The following ZDHHC15 variants were observed in gnomAD, a reference collection of about 807,000 sequenced individuals.
ZDHHC15 encodes the protein palmitoyltransferase ZDHHC15.
ZDHHC15 carries 19 observed loss-of-function variants against 31.7 expected under a neutral mutation model. The observed-to-expected ratio is 0.60, with a 90% CI of 0.42 to 0.88. The LOEUF is 0.88. Ranked by LOEUF, ZDHHC15 falls within the 40% of genes least tolerant of loss-of-function variation. ZDHHC15 has a pLI of 0.00. For missense variants in ZDHHC15, 209 were observed against 251.2 expected, an observed-to-expected ratio of 0.83 and a Z score of 1.14; for synonymous variants, 103 against 90.0, an observed-to-expected ratio of 1.14 and a Z score of -0.82.
At chrX:75,501,949 C>G (rs774000614) in intron 2 of ZDHHC15, 2 of 111,893 alleles carry the variant, frequency 1.8e-5, no homozygotes, top group African/African-American at 6.5e-5. Flanking sequence ...TGTGCAGAAG[C>G]TCTTCAGTTT....
intron 1 of ZDHHC15, among the ~76,000 whole-genome samples, chrX:75,510,172 A>G: frequency 8.9e-6 from 1 of 111,892 alleles, no homozygotes; most frequent in East Asian, 2.8e-4. Flanking sequence ...CGTAATACTT[A>G]CTTAGGAAGC....
At chrX:75,411,492 G>A (rs1011897365) in intron 10 of ZDHHC15, among the ~76,000 whole-genome samples, 2 of 112,606 alleles carry the variant, frequency 1.8e-5, no homozygotes, top group Admixed American at 1.9e-4. Context: ...GATTACAGGC[G>A]CGAGCCACCG....
At chrX:75,478,065 T>G (rs1351734058) in intron 3 of ZDHHC15, among the ~76,000 whole-genome samples, 4 of 111,717 alleles carry the variant, frequency 3.6e-5, no homozygotes, top group African/African-American at 1.3e-4. Flanking sequence ...TTTTACTACT[T>G]TGGAACCTAC....
At chrX:75,482,139 G>A (rs763854824) in intron 2 of ZDHHC15, among the ~76,000 whole-genome samples, 3 of 110,525 alleles carry the variant, frequency 2.7e-5, no homozygotes, top group Non-Finnish European at 5.7e-5. Context: ...TGGGGGGTGG[G>A]GAACAAGGGT....
At chrX:75,515,597 G>A (rs1272323249) in intron 1 of ZDHHC15, among the ~76,000 whole-genome samples, 2 of 111,436 alleles carry the variant, frequency 1.8e-5, no homozygotes, top group African/African-American at 6.5e-5. Flanking sequence ...AATAGTAAGA[G>A]CTATTTATGA....
intron 3 of ZDHHC15, among the ~76,000 whole-genome samples, chrX:75,475,038 G>A (rs1450375957): frequency 3.6e-5 from 4 of 111,195 alleles, no homozygotes; most frequent in Admixed American, 2.9e-4. Context: ...CTGCCTGGGC[G>A]ACAGAGCGAG....
chrX:75,481,648 G>T (rs1392469235), intron 2 of ZDHHC15, among the ~76,000 whole-genome samples: 2 of 111,957 alleles, frequency 1.8e-5, no homozygotes, highest in African/African-American at 3.3e-5. Flanking sequence ...GAGATCATTT[G>T]GTTCAACACT....
rs778681230 is a variant in ZDHHC15, at chrX:75,436,840, CTGTTT to C, written c.380-5325_380-5321del. Among the ~76,000 whole-genome samples the C allele has an allele frequency of 3.2e-4, 36 of 112,537 alleles. No homozygotes were observed. The South Asian group carries it at 0.012, about 39-fold the overall frequency. ...GTTGGGTAGAATGTTCTGTAAATAT[CTGTTT>C]TGTTTTGTTTGTTTTATTTTTTGTT... On this transcript the variant is annotated intron_variant, in intron 4 of 11. Transcript: ENST00000373367.
Position 75,492,053 on chromosome X carries a change from T to C in ZDHHC15, c.164-13068A>G, listed in dbSNP as rs186125498. ...TGCTGTATTCAGGAAACCCATGTCATGTGCAGAGACACATATAGGCTCAAA... is the reference window on the plus strand; with the variant it reads ...TGCTGTATTCAGGAAACCCATGTCACGTGCAGAGACACATATAGGCTCAAA... On this transcript the variant is annotated intron_variant, in intron 2 of 11. Transcript: ENST00000373367. Among the ~76,000 whole-genome samples the C allele has an allele frequency of 7.7e-3, 855 of 111,177 alleles. 5 individuals are homozygous for C. Among genetic ancestry groups the C allele is most frequent in the Middle Eastern group, 0.019 (4 of 216 alleles).
chrX:75,503,277 A>G (rs771087027), intron 2 of ZDHHC15, among the ~76,000 whole-genome samples: 14 of 110,956 alleles, frequency 1.3e-4, no homozygotes, highest in Admixed American at 6.8e-4. Flanking sequence ...CTAGGTCAAT[A>G]TATTTTACTT....
At chrX:75,424,167 AT>A (rs375608452) in intron 8 of ZDHHC15, among the ~76,000 whole-genome samples, 83 of 104,507 alleles carry the variant, frequency 7.9e-4, no homozygotes, top group Middle Eastern at 4.9e-3. Flanking sequence ...ATATTTACTG[AT>A]TTTTTTTTTT....
At chrX:75,507,943 C>T (rs972484997) in intron 1 of ZDHHC15, among the ~76,000 whole-genome samples, 1 of 110,457 alleles carries the variant, frequency 9.1e-6, no homozygotes, top group Non-Finnish European at 1.9e-5. Flanking sequence ...TAGAAAAAGC[C>T]TAATTTGGGG....
At chrX:75,382,422 A>G (rs2083123686) in intron 10 of ZDHHC15, among the ~76,000 whole-genome samples, 1 of 111,919 alleles carries the variant, frequency 8.9e-6, no homozygotes, top group Non-Finnish European at 1.9e-5. Flanking sequence ...ATGGGGGAAA[A>G]GTTACTTGGA....
In ZDHHC15 at chrX:75,507,665, G is replaced by A. The variant is rs752386413; in HGVS notation, c.137-1818C>T. Among the ~76,000 whole-genome samples, 4 of 111,640 alleles carry A rather than the reference G, an allele frequency of 3.6e-5. No individual in the cohort carries two copies. The East Asian group carries it at 8.5e-4, about 24-fold the overall frequency. On this transcript the variant is annotated intron_variant, in intron 1 of 11. Transcript: ENST00000373367. Reference sequence around the variant, plus strand: ...ATTTTAGAGTGATGTGGTGATACATGTAATTATACACCTTCTCTGTTTCTT... The same window carrying A: ...ATTTTAGAGTGATGTGGTGATACATATAATTATACACCTTCTCTGTTTCTT...
intron 3 of ZDHHC15, among the ~76,000 whole-genome samples, chrX:75,462,073 G>A (rs1041297062): frequency 1.8e-5 from 2 of 111,704 alleles, no homozygotes; most frequent in African/African-American, 6.5e-5. Flanking sequence ...CAAAATAAAG[G>A]GATGGAGGAA....
chrX:75,513,084 A>G (rs1310452301), intron 1 of ZDHHC15, among the ~76,000 whole-genome samples: 1 of 108,194 alleles, frequency 9.2e-6, no homozygotes, highest in African/African-American at 3.4e-5. Flanking sequence ...CTGGCTAGCC[A>G]TATGTAGAAA....
chrX:75,459,527 G>A lies in ZDHHC15; in HGVS notation c.259-8605C>T, dbSNP rs752027783. 9.6e-4 allele frequency among the ~76,000 whole-genome samples: 107 copies of A among 111,550 alleles called. No individual in the cohort carries two copies. In the Middle Eastern group the frequency reaches 0.014, roughly 14 times the overall value. On this transcript the variant is annotated intron_variant, in intron 3 of 11. Transcript: ENST00000373367. ...GGAGGAAGGACCCCCCAACAGTGAA[G>A]CGTACCTACTTTGCCAGGTTGTGGC...
At chrX:75,508,334 C>T (rs2085202030) in intron 1 of ZDHHC15, among the ~76,000 whole-genome samples, 1 of 79,941 alleles carries the variant, frequency 1.3e-5, no homozygotes, top group Admixed American at 1.7e-4. Context: ...TGTGATGTTT[C>T]CCTTCCTGTG....
In ZDHHC15 at chrX:75,434,513, G is replaced by A. The variant is rs186150882; in HGVS notation, c.380-2993C>T. Among the ~76,000 whole-genome samples the A allele has an allele frequency of 2.9e-3, 320 of 112,067 alleles. 1 individual carries two copies. The highest frequency in any genetic ancestry group is 5.4e-3 in the Non-Finnish European group (287 of 53,163). ...TCCAACTTGAGTTCAGTAGATTTTTGTATATGGTGATAAATGAGGATCCAG... is the reference window on the plus strand; with the variant it reads ...TCCAACTTGAGTTCAGTAGATTTTTATATATGGTGATAAATGAGGATCCAG... On this transcript the variant is annotated intron_variant, in intron 4 of 11. Transcript: ENST00000373367.
Sources: gnomAD v4.1 joint callset for allele counts (sites outside exome capture counted in the v4.1 genomes callset) on GRCh38, gnomAD v4.1.1 for gene constraint, MANE v1.5 for transcripts, NCBI Gene and HGNC (gene_info 2026-07-23, HGNC 2026-07-21) for gene names.